CHIA: variants seen among roughly 807,000 people sequenced by gnomAD.
CHIA encodes the protein chitinase acidic, also known as acidic mammalian chitinase.
A neutral mutation model predicts 53.5 loss-of-function variants in CHIA; 47 were observed. The observed-to-expected ratio is 0.88, with a 90% CI of 0.70 to 1.12. The LOEUF is 1.12. Among genes scored for constraint, CHIA ranks in the 50% most tolerant of loss-of-function variants. The pLI, the probability that CHIA is intolerant of heterozygous loss-of-function variation, is 0.00. For missense variants in CHIA, 652 were observed against 592.2 expected, an observed-to-expected ratio of 1.10 and a Z score of -1.05; for synonymous variants, 268 against 222.2, an observed-to-expected ratio of 1.21 and a Z score of -1.83.
intron 1 of CHIA, among the ~76,000 whole-genome samples, chr1:111,295,928 G>A (rs553771136): frequency 6.6e-6 from 1 of 152,348 alleles, no homozygotes; most frequent in African/African-American, 2.4e-5. Flanking sequence ...TGGCTCAGTG[G>A]GTCCCATGCT....
intron 4 of CHIA, 55 bp downstream of exon 4, chr1:111,312,446 A>G: frequency 2.2e-6 from 3 of 1,334,204 alleles, no homozygotes; most frequent in Admixed American, 1.7e-5. Context: ...CTTCCCAAAC[A>G]TTAATGCTTC....
chr1:111,307,618 G>A (rs1168162280), intron 1 of CHIA, among the ~76,000 whole-genome samples: 1 of 151,800 alleles, frequency 6.6e-6, no homozygotes, highest in African/African-American at 2.4e-5. Flanking sequence ...GTTAGGTGAT[G>A]GAGAAAAGGT....
rs141163072 is a variant in CHIA at position 111,320,505 on chromosome 1, T to G, written c.*39T>G. ...TATATTCCCTAGAGTTCCAGTCTCT[T>G]TTGCTTAGGACATGTTGCCCCTACC... On this transcript the variant is annotated 3_prime_UTR_variant, in exon 12 of 12. Coordinates refer to ENST00000369740, the MANE Select transcript of CHIA (RefSeq NM_201653.4). 521 of 1,590,498 alleles carry G rather than the reference T, an allele frequency of 3.3e-4. 4 individuals are homozygous for G. The highest frequency in any genetic ancestry group is 2.2e-4 in the Admixed American group (13 of 59,638).
intron 1 of CHIA, among the ~76,000 whole-genome samples, chr1:111,301,246 T>C (rs190517462): frequency 9.5e-4 from 144 of 152,296 alleles, no homozygotes; most frequent in African/African-American, 3.4e-3. Context: ...ACCCAAAGGA[T>C]TATAAATCAT....
rs560283832 is a variant in CHIA at position 111,311,438 on chromosome 1, C to T, written c.26-251C>T. The stretch of plus-strand genomic sequence containing the variant: ...TACATCTTCCATAGATAGTAAACTT[C>T]GGACTCAGCATTCAGGAACATTTAT... On this transcript the variant is annotated intron_variant, in intron 2 of 11. Transcript: ENST00000369740. 5.3e-5 allele frequency among the ~76,000 whole-genome samples: 8 copies of T among 152,252 alleles called. No individual in the cohort carries two copies. The South Asian group carries it at 6.2e-4, about 12-fold the overall frequency.
At position 111,320,288 on chromosome 1, in the gene CHIA, G is replaced by C; in HGVS notation, c.1253G>C (p.Ser418Thr). 6.2e-7 allele frequency: 1 copy of C among 1,614,208 alleles called. No homozygotes were observed. The highest frequency in any genetic ancestry group is 1.3e-5 in the African/African-American group (1 of 75,052). Reference sequence around the variant, plus strand: ...GGCAGCGGGAACGGGAGCGGGAGTAGCAGCTCTGGAGGCAGCTCGGGAGGC... The same window carrying C: ...GGCAGCGGGAACGGGAGCGGGAGTACCAGCTCTGGAGGCAGCTCGGGAGGC... ...PSGSGNGSGS[S>T]SSGGSSGGSG... The change falls in exon 12 of 12, where the codon AGC becomes ACC. Residue 418 changes from serine (S) to threonine (T), a missense_variant. Ser to Thr is a moderately conservative substitution (Grantham distance 58). Coordinates refer to ENST00000369740, the MANE Select transcript of CHIA (RefSeq NM_201653.4).
intron 4 of CHIA, among the ~76,000 whole-genome samples, chr1:111,313,410 G>A (rs1019546453): frequency 9.9e-5 from 15 of 152,104 alleles, no homozygotes; most frequent in Admixed American, 9.2e-4. Flanking sequence ...GTGATGTTGA[G>A]CATTTTTTAT....
At chr1:111,305,049 A>C (rs1648068299) in intron 1 of CHIA, among the ~76,000 whole-genome samples, 1 of 152,066 alleles carries the variant, frequency 6.6e-6, no homozygotes, top group Admixed American at 6.6e-5. Flanking sequence ...AGGTCACTGC[A>C]CTTGGCTTTG....
intron 1 of CHIA, among the ~76,000 whole-genome samples, chr1:111,297,640 A>G (rs1399401649): frequency 6.6e-6 from 1 of 152,188 alleles, no homozygotes; most frequent in African/African-American, 2.4e-5. Context: ...TGTAAAGACC[A>G]TTGATGCTAT....
In CHIA at chr1:111,313,188, C is replaced by A. The variant is rs147068404; in HGVS notation, c.257+797C>A. Among the ~76,000 whole-genome samples the A allele has an allele frequency of 5.9e-3, 902 of 152,278 alleles. 27 individuals carry two copies. Among genetic ancestry groups the A allele is most frequent in the Admixed American group, 0.053 (818 of 15,300 alleles). ...AAACCCAGTAGTGTAACTGCTGGATCATATGGTAGTTATTTCTTTGATTTT... is the reference window on the plus strand; with the variant it reads ...AAACCCAGTAGTGTAACTGCTGGATAATATGGTAGTTATTTCTTTGATTTT... On this transcript the variant is annotated intron_variant, in intron 4 of 11. Transcript: ENST00000369740.
intron 1 of CHIA, among the ~76,000 whole-genome samples, chr1:111,297,855 G>T (rs1468642976): frequency 2.8e-5 from 3 of 108,216 alleles, no homozygotes; most frequent in Non-Finnish European, 3.5e-5. Flanking sequence ...ACATACATAG[G>T]CTCAAAATAA....
intron 3 of CHIA, 39 bp downstream of exon 3, chr1:111,311,757 T>C (rs1648695129): frequency 1.9e-6 from 3 of 1,598,212 alleles, no homozygotes; most frequent in East Asian, 2.2e-5. Context: ...TGAATGTATA[T>C]ATACGAGATA....
At chr1:111,300,395 T>A (rs1181084866) in intron 1 of CHIA, among the ~76,000 whole-genome samples, 1 of 152,066 alleles carries the variant, frequency 6.6e-6, no homozygotes, top group Non-Finnish European at 1.5e-5. Context: ...TATAGACCAA[T>A]GGAACAGAAT....
At chr1:111,319,594 G>T in intron 11 of CHIA, 126 bp downstream of exon 11, 3 of 862,098 alleles carry the variant, frequency 3.5e-6, no homozygotes, top group Non-Finnish European at 5.4e-6. Flanking sequence ...CACCGCTCTT[G>T]CCCAGATGAG....
chr1:111,315,779 A>G (rs1357723249), intron 6 of CHIA: 1 of 461,390 alleles, frequency 2.2e-6, no homozygotes, highest in Non-Finnish European at 4.3e-6. Context: ...CTTGCCCAAG[A>G]TCACACAACT....
chr1:111,307,973 T>G (rs1473942435), intron 1 of CHIA, among the ~76,000 whole-genome samples: 1 of 152,152 alleles, frequency 6.6e-6, no homozygotes, highest in African/African-American at 2.4e-5. Context: ...CCTAAACTCA[T>G]GTGTATGGTA....
intron 1 of CHIA, among the ~76,000 whole-genome samples, chr1:111,307,960 A>G (rs527523350): frequency 6.6e-6 from 1 of 152,314 alleles, no homozygotes; most frequent in South Asian, 2.1e-4. Flanking sequence ...CTTAAAATGT[A>G]TACCTAAACT....
chr1:111,293,883 C>A (rs749585593), intron 1 of CHIA, among the ~76,000 whole-genome samples: 2 of 152,034 alleles, frequency 1.3e-5, no homozygotes, highest in Non-Finnish European at 1.5e-5. Flanking sequence ...AGTTTGAGAC[C>A]AGCTTGGGCA....
At position 111,310,403 on chromosome 1, in the gene CHIA, C is replaced by A. The variant is rs193167990; in HGVS notation, c.-65C>A. On this transcript the variant is annotated 5_prime_UTR_variant, in exon 2 of 12. Transcript: ENST00000369740. ...GGTCAAATTGTTCTCTATTTAGAAG[C>A]CTTTGTGATAACCACAGAATCAGAA... 1.2e-6 allele frequency: 2 copies of A among 1,608,848 alleles called. No individual in the cohort carries two copies. Among genetic ancestry groups the A allele is most frequent in the Non-Finnish European group, 1.7e-6 (2 of 1,178,284 alleles).
Sources: gnomAD v4.1 joint callset for allele counts (sites outside exome capture counted in the v4.1 genomes callset) on GRCh38, gnomAD v4.1.1 for gene constraint, MANE v1.5 for transcripts, NCBI Gene and HGNC (gene_info 2026-07-23, HGNC 2026-07-21) for gene names.